KMT5C: variants seen among roughly 807,000 people sequenced by gnomAD.
KMT5C encodes the protein lysine methyltransferase 5C.
A neutral mutation model predicts 38.2 loss-of-function variants in KMT5C; 16 were observed. The observed-to-expected ratio is 0.42, with a 90% CI of 0.28 to 0.64. The LOEUF is 0.64. Ranked by LOEUF, KMT5C falls within the 30% of genes least tolerant of loss-of-function variation. KMT5C has a pLI of 0.23. For synonymous variants in KMT5C, 291 were observed against 279.0 expected (o/e 1.04, Z -0.43); for missense variants, 598 against 665.1 (o/e 0.90, Z 1.11).
Position 55,342,334 on chromosome 19 carries a change from A to ACTTCCAGAGC in KMT5C, c.232_241dup (p.Arg81LeufsTer56). On this transcript the variant is annotated frameshift_variant, in exon 3 of 9. Transcript: ENST00000255613. LOFTEE classifies it high-confidence loss of function. Reference sequence around the variant, plus strand: ...ACGCTGGGAGGCTGGACGGCCCGCTACTTCCAGAGCCGGGGCCCGCGGCAG... The same window carrying ACTTCCAGAGC: ...ACGCTGGGAGGCTGGACGGCCCGCTACTTCCAGAGCCTTCCAGAGCCGGGGCCCGCGGCAG... The ACTTCCAGAGC allele has an allele frequency of 1.3e-6, 2 of 1,562,260 alleles. No homozygotes were observed. The highest frequency in any genetic ancestry group is 1.7e-6 in the Non-Finnish European group (2 of 1,155,302).
chr19:55,340,054 C>A (rs554913525), intron 1 of KMT5C, 97 bp downstream of exon 1: 3 of 151,818 alleles, frequency 2.0e-5, no homozygotes, highest in African/African-American at 7.3e-5. Context: ...GACTGCCCCC[C>A]ACCCCGCCCG....
Position 55,348,071 on chromosome 19 carries a change from C to A in KMT5C, c.*622C>A, listed in dbSNP as rs1058511. 70,657 of 152,634 alleles carry A rather than the reference C, an allele frequency of 0.46. 16,802 individuals carry two copies. Among genetic ancestry groups the A allele is most frequent in the East Asian group, 0.74 (3,800 of 5,154 alleles). The allele number at this position is 152,634 out of a possible 1,614,324, so 9.5% of individuals were successfully genotyped here. A position where few individuals can be genotyped will look rare whatever the true frequency, so the allele number is the denominator to read the frequency against. ...ACACCAGAAAGGGGTATGTTGGGGG[C>A]TTGGAAGCACTTGAACTTTTTATTT... On this transcript the variant is annotated 3_prime_UTR_variant, in exon 9 of 9. Coordinates refer to ENST00000255613, the MANE Select transcript of KMT5C (RefSeq NM_032701.4).
In KMT5C at chr19:55,343,730, G is replaced by A. The variant is rs372310484; in HGVS notation, c.437G>A (p.Arg146Gln). ...ELLVGCIAEL[R>Q]EADEGLLRAG... ...CTGGTGGGCTGCATTGCAGAGCTGC[G>A]GGAGGCAGATGAGGGGCTGCTGAGG... is the stretch of plus-strand genomic sequence containing the variant. Residue 146 changes from arginine (R) to glutamine (Q), a missense_variant, in exon 5 of 9, where the codon CGG (arginine) becomes CAG (glutamine). Arg to Gln is a conservative substitution (Grantham distance 43). Coordinates refer to ENST00000255613, the MANE Select transcript of KMT5C (RefSeq NM_032701.4). The surrounding 1 kb of genome is among the most constrained non-coding windows in gnomAD (Gnocchi z 5.5). 1.8e-5 allele frequency: 28 copies of A among 1,581,764 alleles called. No individual in the cohort carries two copies. Among genetic ancestry groups the A allele is most frequent in the Admixed American group, 5.5e-5 (3 of 54,360 alleles).
Position 55,345,122 on chromosome 19 carries a change from C to T in KMT5C, c.571-1091C>T, listed in dbSNP as rs775631162. 46 of 453,044 alleles carry T rather than the reference C, an allele frequency of 1.0e-4. 2 individuals are homozygous for T. Among genetic ancestry groups the T allele is most frequent in the South Asian group, 5.6e-4 (36 of 64,410 alleles). The allele number at this position is 453,044 out of a possible 1,614,324, so 28.1% of individuals were successfully genotyped here. On this transcript the variant is annotated intron_variant, in intron 6 of 8. Transcript: ENST00000255613. Reference sequence around the variant, plus strand: ...GTGTGCTCCAGCCACCTTGAGCACACGAGAGGGCGGCCAGCTCTCCAGCGA... The same window carrying T: ...GTGTGCTCCAGCCACCTTGAGCACATGAGAGGGCGGCCAGCTCTCCAGCGA...
chr19:55,341,035 G>C (rs1411312404), intron 1 of KMT5C, among the ~76,000 whole-genome samples: 1 of 152,230 alleles, frequency 6.6e-6, no homozygotes, highest in Non-Finnish European at 1.5e-5. Context: ...TCCTCTCCTG[G>C]GCGCGGATGA....
intron 4 of KMT5C, 24 bp downstream of exon 4, chr19:55,342,875 G>A (rs754336842): frequency 1.5e-6 from 2 of 1,358,784 alleles, no homozygotes; most frequent in Non-Finnish European, 2.1e-6. Flanking sequence ...ACTCCCTGCA[G>A]GTATCCTTGG....
intron 1 of KMT5C, 82 bp from the exon 2 acceptor site, chr19:55,341,712 C>CAT (rs2089559297): frequency 1.7e-6 from 1 of 575,390 alleles, no homozygotes; most frequent in Non-Finnish European, 3.1e-6. Flanking sequence ...CTGGGCTTTC[C>CAT]CTACTCTCAG....
At position 55,347,027 on chromosome 19, in the gene KMT5C, C is replaced by A; in HGVS notation, c.967C>A (p.Leu323Met). 6.7e-7 allele frequency: 1 copy of A among 1,483,256 alleles called. No individual in the cohort carries two copies. Among genetic ancestry groups the A allele is most frequent in the African/African-American group, 1.4e-5 (1 of 72,650 alleles). The allele number at this position is 1,483,256 out of a possible 1,614,324, so 91.9% of individuals were successfully genotyped here. A position where few individuals can be genotyped will look rare whatever the true frequency, so the allele number is the denominator to read the frequency against. Residue 323 changes from leucine (L) to methionine (M), a missense_variant, in exon 9 of 9, where the codon CTG (leucine) becomes ATG (methionine). Coordinates refer to ENST00000255613, the MANE Select transcript of KMT5C (RefSeq NM_032701.4). The surrounding 1 kb of genome is among the most constrained non-coding windows in gnomAD (Gnocchi z 4.6). ...CACCTCACCCCTCTGGCTCCAGTGG[C>A]TGCCTCAGCCCCAGCCCCGAGTGCG... ...PDTSPLWLQW[L>M]PQPQPRVRPR...
rs2089638030 is a variant in KMT5C at position 55,347,688 on chromosome 19, C to T, written c.*239C>T. ...GGAGCCCCGGCCATTTGCTGCCCTC[C>T]CCACCCCTGCCCCAGCCTCAGGACT... On this transcript the variant is annotated 3_prime_UTR_variant, in exon 9 of 9. Transcript: ENST00000255613. The surrounding 1 kb of genome is among the most constrained non-coding windows in gnomAD (Gnocchi z 4.6). 1 of 572,836 alleles carries T rather than the reference C, an allele frequency of 1.7e-6. No homozygotes were observed. Among genetic ancestry groups the T allele is most frequent in the Non-Finnish European group, 2.9e-6 (1 of 350,564 alleles). 35.5% of individuals were successfully genotyped at this position (572,836 alleles called of 1,614,324 possible).
At chr19:55,342,626 A>C in intron 3 of KMT5C, 116 bp from the exon 4 acceptor site, 1 of 689,380 alleles carries the variant, frequency 1.5e-6, no homozygotes, top group Non-Finnish European at 2.6e-6. Flanking sequence ...GAGAGGGAAC[A>C]TGAGGCCCCC....
intron 1 of KMT5C, among the ~76,000 whole-genome samples, chr19:55,341,157 T>A (rs974184915): frequency 3.3e-5 from 5 of 152,168 alleles, no homozygotes; most frequent in Non-Finnish European, 7.3e-5. Context: ...AAAAATGTTT[T>A]TGTAAATATT....
Position 55,346,606 on chromosome 19 carries a change from C to A in KMT5C, c.814C>A (p.Leu272Met). The A allele has an allele frequency of 1.3e-6, 2 of 1,575,856 alleles. No individual in the cohort carries two copies. Among genetic ancestry groups the A allele is most frequent in the African/African-American group, 1.3e-5 (1 of 74,194 alleles). Reference sequence around the variant, plus strand: ...GACCAAGCGGCGGCTGCAGCAAGGCCTGGACAGTGGCAGCCGACAGGGCCT... The same window carrying A: ...GACCAAGCGGCGGCTGCAGCAAGGCATGGACAGTGGCAGCCGACAGGGCCT... Reference protein sequence around the residue: ...RETKRRLQQGLDSGSRQGLLG... With the variant: ...RETKRRLQQGMDSGSRQGLLG... Residue 272 changes from leucine (L) to methionine (M), a missense_variant, in exon 8 of 9, where the codon CTG becomes ATG. Leu to Met is a conservative substitution (Grantham distance 15). This residue lies in a region of KMT5C where 326 missense variants were observed against 298.1 expected (regional missense o/e 1.09). Transcript: ENST00000255613.
chr19:55,341,657 C>T (rs1600260761), intron 1 of KMT5C, 137 bp from the exon 2 acceptor site: 3 of 491,186 alleles, frequency 6.1e-6, no homozygotes, highest in Non-Finnish European at 1.1e-5. Flanking sequence ...TCTGTGTCTG[C>T]GCTGCGGAGC....
Position 55,343,221 on chromosome 19 carries a change from G to T in KMT5C, c.386+370G>T. ...GGTTCACAGTCTGGTGAGGAGGTGG[G>T]GGGCAGACAAGTCAACATGCAGTCA... On this transcript the variant is annotated intron_variant, in intron 4 of 8. Coordinates refer to ENST00000255613, the MANE Select transcript of KMT5C (RefSeq NM_032701.4). This position sits in a 1 kb window ranked among gnomAD's most constrained non-coding sequence, Gnocchi z 5.5. 1 of 317,084 alleles carries T rather than the reference G, an allele frequency of 3.2e-6. No individual in the cohort carries two copies. The highest frequency in any genetic ancestry group is 6.0e-6 in the Non-Finnish European group (1 of 166,154). The allele number at this position is 317,084 out of a possible 1,614,324, so 19.6% of individuals were successfully genotyped here. A position where few individuals can be genotyped will look rare whatever the true frequency, so the allele number is the denominator to read the frequency against.
chr19:55,343,944 C>T lies in KMT5C; in HGVS notation c.551-34C>T. On this transcript the variant is annotated intron_variant, in intron 5 of 8. Coordinates refer to ENST00000255613, the MANE Select transcript of KMT5C (RefSeq NM_032701.4). This position sits in a 1 kb window ranked among gnomAD's most constrained non-coding sequence, Gnocchi z 5.5. ...GCGACTGAGCTGCCGAGCTCATCTA[C>T]CTCTCTTCTCTCTCCTGCCCCAACT... The T allele has an allele frequency of 1.9e-6, 3 of 1,611,052 alleles. No individual in the cohort carries two copies. The highest frequency in any genetic ancestry group is 1.1e-5 in the South Asian group (1 of 91,012).
chr19:55,345,796 G>T lies in KMT5C; in HGVS notation c.571-417G>T, dbSNP rs545649543. 2.0e-5 allele frequency among the ~76,000 whole-genome samples: 3 copies of T among 152,304 alleles called. No individual in the cohort carries two copies. In the East Asian group the frequency reaches 5.8e-4, roughly 29 times the overall value. ...TGAGGCAGGCCTCAGAGAAGCGGGG[G>T]CGGCCCGCAGCAGGCAGAGCTCGGA... On this transcript the variant is annotated intron_variant, in intron 6 of 8. Coordinates refer to ENST00000255613, the MANE Select transcript of KMT5C (RefSeq NM_032701.4).
In KMT5C at chr19:55,346,958, G is replaced by T; in HGVS notation, c.898G>T (p.Ala300Ser). 2 of 958,954 alleles carry T rather than the reference G, an allele frequency of 2.1e-6. No homozygotes were observed. The highest frequency in any genetic ancestry group is 3.3e-6 in the Non-Finnish European group (2 of 604,090). The allele number at this position is 958,954 out of a possible 1,614,324, so 59.4% of individuals were successfully genotyped here. Residue 300 changes from alanine (A) to serine (S), a missense_variant and splice_region_variant, in exon 9 of 9, where the codon GCC (alanine) becomes TCC (serine). Transcript: ENST00000255613. ...SPLRRDPFCAACQPLRLPACS... is the reference protein window; with the variant it reads ...SPLRRDPFCASCQPLRLPACS... ...CCCTGCCACCTGGGCCTTCACAGCC[G>T]CCTGCCAGCCCCTGCGCCTGCCAGC...
intron 1 of KMT5C, among the ~76,000 whole-genome samples, chr19:55,340,966 G>C (rs1003889647): frequency 1.3e-5 from 2 of 151,614 alleles, no homozygotes; most frequent in Admixed American, 6.6e-5. Flanking sequence ...CTCGCAGTCT[G>C]TCCCCGACCC....
intron 1 of KMT5C, among the ~76,000 whole-genome samples, chr19:55,340,817 C>T (rs779335861): frequency 5.9e-5 from 9 of 151,720 alleles, no homozygotes; most frequent in Non-Finnish European, 1.0e-4. Flanking sequence ...GCCCCCAGGC[C>T]CGGCTGCAGC....
Sources: allele counts gnomAD v4.1 joint callset (sites outside exome capture counted in the v4.1 genomes callset), GRCh38; gene constraint gnomAD v4.1.1; regional missense constraint gnomAD v4.1.1; non-coding constraint Gnocchi (gnomAD v3.1); transcripts MANE v1.5; gene names NCBI Gene and HGNC (gene_info 2026-07-23, HGNC 2026-07-21).